The following MYO16 variants were observed in gnomAD, a reference collection of about 807,000 sequenced individuals.
MYO16 encodes myosin XVI, also known as unconventional myosin-XVI.
In MYO16, 94 loss-of-function variants were observed where a neutral mutation model predicts 205.3. That is an observed-to-expected ratio of 0.46 (90% CI 0.39 to 0.54). The LOEUF is 0.54. Ranked by LOEUF, MYO16 falls within the 20% of genes least tolerant of loss-of-function variation. MYO16 has a pLI of 0.00. For synonymous variants in MYO16, 988 were observed against 954.0 expected, an observed-to-expected ratio of 1.04 and a Z score of -0.66; for missense variants, 2,315 against 2,387.5, an observed-to-expected ratio of 0.97 and a Z score of 0.63.
At chr13:108,807,927 A>G (rs993912597) in intron 7 of MYO16, among the ~76,000 whole-genome samples, 12 of 152,354 alleles carry the variant, frequency 7.9e-5, no homozygotes, top group African/African-American at 2.9e-4. Context: ...AAAGCAGGGA[A>G]ATGAGTATAC....
chr13:108,541,414 TTAAAA>T, the MYO16 span, among the ~76,000 whole-genome samples: 2 of 151,216 alleles, frequency 1.3e-5, no homozygotes, highest in Non-Finnish European at 3.0e-5. Context: ...TTTATAAATA[TTAAAA>T]TAAAACATGT....
chr13:109,020,417 G>T (rs932933256), intron 23 of MYO16, among the ~76,000 whole-genome samples: 1 of 152,012 alleles, frequency 6.6e-6, no homozygotes, highest in Admixed American at 6.6e-5. Flanking sequence ...GTATAAAAAT[G>T]ATCATTCTCC....
chr13:108,644,697 G>A (rs1880675156), intron 1 of MYO16, among the ~76,000 whole-genome samples: 2 of 151,026 alleles, frequency 1.3e-5, no homozygotes, highest in Non-Finnish European at 2.9e-5. Flanking sequence ...CTTCATCATT[G>A]ATTCAAGCAT....
At chr13:108,743,924 G>A (rs1033234231) in intron 4 of MYO16, among the ~76,000 whole-genome samples, 2 of 152,190 alleles carry the variant, frequency 1.3e-5, no homozygotes, top group African/African-American at 2.4e-5. Flanking sequence ...TTTACAGTTT[G>A]GTTATAAATT....
At chr13:109,092,341 T>A (rs148692815) in intron 27 of MYO16, among the ~76,000 whole-genome samples, 1,680 of 152,224 alleles carry the variant, frequency 0.011, 36 homozygotes, top group African/African-American at 0.039. Context: ...TAAATGCCCA[T>A]CAGTGACAGA....
At chr13:109,006,406 A>G (rs1305361359) in intron 21 of MYO16, among the ~76,000 whole-genome samples, 25 of 152,016 alleles carry the variant, frequency 1.6e-4, no homozygotes, top group African/African-American at 4.8e-5. Flanking sequence ...CACCAGGATA[A>G]TTTTTGTATT....
the MYO16 span, among the ~76,000 whole-genome samples, chr13:108,569,014 G>A: frequency 6.6e-6 from 1 of 151,526 alleles, no homozygotes; most frequent in South Asian, 2.1e-4. Context: ...CTATTCTTTT[G>A]ATCTATATGT....
chr13:108,875,110 G>A (rs1879263217), intron 12 of MYO16, among the ~76,000 whole-genome samples: 1 of 152,210 alleles, frequency 6.6e-6, no homozygotes, highest in African/African-American at 2.4e-5. Context: ...TGGAACTAGA[G>A]TCCATCTAAG....
At chr13:108,942,526 T>C (rs1882774568) in intron 16 of MYO16, among the ~76,000 whole-genome samples, 1 of 152,224 alleles carries the variant, frequency 6.6e-6, no homozygotes, top group Non-Finnish European at 1.5e-5. Flanking sequence ...ATTTTAAATA[T>C]TAGTTTGCCT....
chr13:108,500,942 T>G, the MYO16 span, among the ~76,000 whole-genome samples: 2 of 152,116 alleles, frequency 1.3e-5, no homozygotes, highest in Admixed American at 1.3e-4. Context: ...CATCCCTGCA[T>G]TTTACAACAC....
chr13:108,523,531 A>G, the MYO16 span, among the ~76,000 whole-genome samples: 1 of 152,102 alleles, frequency 6.6e-6, no homozygotes, highest in South Asian at 2.1e-4. Flanking sequence ...CAAACCTTCA[A>G]TGTCTTCCCA....
chr13:109,102,306 A>C (rs1879981427), intron 28 of MYO16, among the ~76,000 whole-genome samples: 2 of 152,126 alleles, frequency 1.3e-5, no homozygotes. Flanking sequence ...ATATATCAGC[A>C]TTTATTCTGT....
intron 23 of MYO16, among the ~76,000 whole-genome samples, chr13:109,036,004 G>A (rs571576541): frequency 2.0e-5 from 3 of 152,318 alleles, no homozygotes; most frequent in Admixed American, 1.3e-4. Flanking sequence ...AGCACATTTT[G>A]ACAGACACTA....
chr13:108,855,651 G>A, intron 11 of MYO16, 98 bp downstream of exon 11: 1 of 779,758 alleles, frequency 1.3e-6, no homozygotes, highest in Non-Finnish European at 2.0e-6. Context: ...AGGGCTCATT[G>A]GAGCTTCTGG....
At chr13:108,757,388 T>A (rs1404114586) in intron 4 of MYO16, among the ~76,000 whole-genome samples, 1 of 152,198 alleles carries the variant, frequency 6.6e-6, no homozygotes, top group Non-Finnish European at 1.5e-5. Flanking sequence ...ATATCCTTGA[T>A]GGTTTGAAGG....
At chr13:108,882,308 T>C (rs919770199) in intron 12 of MYO16, among the ~76,000 whole-genome samples, 1 of 152,174 alleles carries the variant, frequency 6.6e-6, no homozygotes, top group African/African-American at 2.4e-5. Context: ...GAGCTAGAGA[T>C]TCAGGCCAGC....
rs374486296 is a variant in MYO16, at chr13:108,779,175, C to T, written c.508-6460C>T. Among the ~76,000 whole-genome samples the T allele has an allele frequency of 4.0e-4, 61 of 152,274 alleles. 3 individuals carry two copies. The South Asian group carries it at 0.011, about 27-fold the overall frequency. ...TAAGATCCTGTTTCCCACTGGCATG[C>T]GCCTCAGCAGTGTACTCACACTAGG... is the stretch of plus-strand genomic sequence containing the variant. On this transcript the variant is annotated intron_variant, in intron 4 of 34. Transcript: ENST00000457511.
the MYO16 span, among the ~76,000 whole-genome samples, chr13:108,498,686 C>T: frequency 2.6e-5 from 4 of 152,148 alleles, no homozygotes; most frequent in East Asian, 1.9e-4. Context: ...AAAGCCAGGC[C>T]GTAAAAGCAG....
the MYO16 span, among the ~76,000 whole-genome samples, chr13:108,580,039 A>C: frequency 6.6e-6 from 1 of 152,226 alleles, no homozygotes; most frequent in African/African-American, 2.4e-5. Context: ...AGTGGCAAAT[A>C]ATATAATTCA....
Sources: allele counts gnomAD v4.1 joint callset (sites outside exome capture counted in the v4.1 genomes callset), GRCh38; gene constraint gnomAD v4.1.1; transcripts MANE v1.5; gene names NCBI Gene and HGNC (gene_info 2026-07-23, HGNC 2026-07-21).